The following PCDHGA1 variants were observed in gnomAD, a reference collection of about 807,000 sequenced individuals.
The protein encoded by PCDHGA1 is protocadherin gamma subfamily A, 1.
PCDHGA1 carries 32 observed loss-of-function variants against 58.0 expected under a neutral mutation model. The observed-to-expected ratio is 0.55, with a 90% CI of 0.42 to 0.74. PCDHGA1 has a LOEUF of 0.74. PCDHGA1 is among the 30% of genes least tolerant of loss of function. The pLI, the probability that PCDHGA1 is intolerant of heterozygous loss-of-function variation, is 0.00. For missense variants in PCDHGA1, 1,205 were observed against 1,182.3 expected, an observed-to-expected ratio of 1.02 and a Z score of -0.28; for synonymous variants, 498 against 501.1, an observed-to-expected ratio of 0.99 and a Z score of 0.08.
chr5:141,384,622 A>G (rs1360248889), intron 1 of PCDHGA1: 1 of 1,614,218 alleles, frequency 6.2e-7, no homozygotes, highest in East Asian at 2.2e-5. Context: ...TTCTACTGGC[A>G]TGGAGCTGGC....
Position 141,489,242 on chromosome 5 carries a change from T to C in PCDHGA1, c.2422-5565T>C. ...TCTCCACAAAGGGACTTCTGGGTCA[T>C]GGGGCCCAAGACACTCCCACAGCTC... On this transcript the variant is annotated intron_variant, in intron 1 of 3. Transcript: ENST00000517417. This position sits in a 1 kb window ranked among gnomAD's most constrained non-coding sequence, Gnocchi z 4.5. 6.5e-7 allele frequency: 1 copy of C among 1,534,502 alleles called. No individual in the cohort carries two copies. The highest frequency in any genetic ancestry group is 8.8e-7 in the Non-Finnish European group (1 of 1,141,994).
chr5:141,404,982 G>GGATTA (rs1244941764), intron 1 of PCDHGA1: 10 of 1,613,938 alleles, frequency 6.2e-6, no homozygotes, highest in Non-Finnish European at 8.5e-6. Context: ...GACCTGGGCA[G>GGATTA]TCTTCAGATC....
chr5:141,401,613 G>A (rs906957282), intron 1 of PCDHGA1, among the ~76,000 whole-genome samples: 1 of 152,162 alleles, frequency 6.6e-6, no homozygotes, highest in Admixed American at 6.5e-5. Flanking sequence ...AAAAGACACC[G>A]GATTTGTCTT....
At chr5:141,458,891 G>A (rs775720263) in intron 1 of PCDHGA1, among the ~76,000 whole-genome samples, 10 of 151,976 alleles carry the variant, frequency 6.6e-5, no homozygotes, top group South Asian at 2.1e-4. Context: ...CACACCATGC[G>A]CAGCTAATTT....
rs554119295 is a variant in PCDHGA1 at position 141,482,963 on chromosome 5, C to T, written c.2422-11844C>T. 1.7e-4 allele frequency among the ~76,000 whole-genome samples: 10 copies of T among 57,958 alleles called. No homozygotes were observed. In the South Asian group the frequency reaches 4.5e-3, roughly 26 times the overall value. 38.0% of individuals were successfully genotyped at this position (57,958 alleles called of 152,430 possible). On this transcript the variant is annotated intron_variant, in intron 1 of 3. Coordinates refer to ENST00000517417, the MANE Select transcript of PCDHGA1 (RefSeq NM_018912.3). The stretch of plus-strand genomic sequence containing the variant: ...TTGTGGGTGCCTGTAATTCCAGCTA[C>T]TTGAGCAGCTACTTGAGAGGTCGAG...
rs186028114 is a variant in PCDHGA1, at chr5:141,387,416, T to C, written c.2421+54311T>C. ...ATGTTTGAAGATTGGGGAAAGCTTA[T>C]GTCAATAAATGTTTATGTACTTAAT... On this transcript the variant is annotated intron_variant, in intron 1 of 3. Coordinates refer to ENST00000517417, the MANE Select transcript of PCDHGA1 (RefSeq NM_018912.3). 6.8e-4 allele frequency among the ~76,000 whole-genome samples: 103 copies of C among 152,364 alleles called. 1 individual carries two copies. The highest frequency in any genetic ancestry group is 3.4e-3 in the Middle Eastern group (1 of 294).
chr5:141,366,763 C>T (rs1764787065), intron 1 of PCDHGA1: 3 of 1,604,810 alleles, frequency 1.9e-6, no homozygotes, highest in Non-Finnish European at 2.6e-6. Context: ...TTAGTTTTCT[C>T]TTTCGGTAAG....
chr5:141,492,360 G>A (rs2099739696), intron 1 of PCDHGA1, among the ~76,000 whole-genome samples: 1 of 152,190 alleles, frequency 6.6e-6, no homozygotes, highest in African/African-American at 2.4e-5. Context: ...CCACTCGCTC[G>A]CGGCCAGATT....
chr5:141,382,603 T>C, intron 1 of PCDHGA1: 1 of 269,778 alleles, frequency 3.7e-6, no homozygotes, highest in Non-Finnish European at 6.9e-6. Flanking sequence ...AACAATTTTC[T>C]ATGAAATCAG....
At chr5:141,344,073 G>C in intron 1 of PCDHGA1, 1 of 1,608,996 alleles carries the variant, frequency 6.2e-7, no homozygotes, top group Non-Finnish European at 8.5e-7. Context: ...CAGAGGACTG[G>C]CCCTGCTGTG....
Position 141,417,741 on chromosome 5 carries a change from A to G in PCDHGA1, c.2422-77066A>G, listed in dbSNP as rs1035037382. ...CTGCGCAGACCTTGCCCAGCACACCAGATTGCCAGCTCCGAGACCCGGGAC... is the reference window on the plus strand; with the variant it reads ...CTGCGCAGACCTTGCCCAGCACACCGGATTGCCAGCTCCGAGACCCGGGAC... On this transcript the variant is annotated intron_variant, in intron 1 of 3. Coordinates refer to ENST00000517417, the MANE Select transcript of PCDHGA1 (RefSeq NM_018912.3). The G allele has an allele frequency of 1.7e-5, 24 of 1,413,756 alleles. No individual in the cohort carries two copies. The African/African-American group carries it at 1.7e-4, about 10-fold the overall frequency. The allele number at this position is 1,413,756 out of a possible 1,614,324, so 87.6% of individuals were successfully genotyped here.
chr5:141,366,328 C>T (rs778365263), intron 1 of PCDHGA1: 1 of 1,613,870 alleles, frequency 6.2e-7, no homozygotes, highest in Non-Finnish European at 8.5e-7. Context: ...CCGTGGCCGA[C>T]AGGATCCCTG....
chr5:141,397,004 T>A (rs2150690904), intron 1 of PCDHGA1, among the ~76,000 whole-genome samples: 2 of 152,342 alleles, frequency 1.3e-5, no homozygotes, highest in African/African-American at 4.8e-5. Context: ...ATCTGACAAA[T>A]GGACTAAAGA....
intron 1 of PCDHGA1, among the ~76,000 whole-genome samples, chr5:141,373,021 T>C (rs2150016771): frequency 6.6e-6 from 1 of 152,328 alleles, no homozygotes; most frequent in Non-Finnish European, 1.5e-5. Flanking sequence ...CTTTTGATAG[T>C]CTTGAAACTT....
intron 1 of PCDHGA1, chr5:141,372,728 A>G (rs1769012432): frequency 1.2e-6 from 2 of 1,613,562 alleles, no homozygotes; most frequent in African/African-American, 2.7e-5. Flanking sequence ...CTGCACCACA[A>G]GATCTTCTAT....
chr5:141,389,321 G>T (rs570682726), intron 1 of PCDHGA1: 1 of 1,613,982 alleles, frequency 6.2e-7, no homozygotes. Context: ...ATCCGGACTT[G>T]GGGCCCAACG....
In PCDHGA1 at chr5:141,375,407, G is replaced by A. The variant is rs192651675; in HGVS notation, c.2421+42302G>A. 5.6e-6 allele frequency: 9 copies of A among 1,613,974 alleles called. No individual in the cohort carries two copies. The Admixed American group carries it at 1.5e-4, about 27-fold the overall frequency. ...TACAGAAACAATCATCTCTCTAAAT[G>A]TGGCAGACACCAACGACAACCCGCC... On this transcript the variant is annotated intron_variant, in intron 1 of 3. Transcript: ENST00000517417.
chr5:141,404,718 C>G (rs747745561), intron 1 of PCDHGA1: 1 of 1,614,072 alleles, frequency 6.2e-7, no homozygotes, highest in Admixed American at 1.7e-5. Context: ...TACCTGGTGA[C>G]CAAGGTGGTG....
Position 141,431,151 on chromosome 5 carries a change from C to A in PCDHGA1, c.2422-63656C>A, listed in dbSNP as rs764416448. On this transcript the variant is annotated intron_variant, in intron 1 of 3. Transcript: ENST00000517417. This position sits in a 1 kb window ranked among gnomAD's most constrained non-coding sequence, Gnocchi z 4.8. Reference sequence around the variant, plus strand: ...GTAAGGGACATTAACGACAATGCGCCTTACTTTCGTGAAAGTGAATTAGAA... The same window carrying A: ...GTAAGGGACATTAACGACAATGCGCATTACTTTCGTGAAAGTGAATTAGAA... 7.4e-6 allele frequency: 12 copies of A among 1,614,126 alleles called. No individual in the cohort carries two copies. Among genetic ancestry groups the A allele is most frequent in the Middle Eastern group, 1.6e-4 (1 of 6,084 alleles).
Sources: gnomAD v4.1 joint callset for allele counts (sites outside exome capture counted in the v4.1 genomes callset) on GRCh38, gnomAD v4.1.1 for gene constraint, Gnocchi (gnomAD v3.1) non-coding constraint, MANE v1.5 for transcripts, NCBI Gene and HGNC (gene_info 2026-07-23, HGNC 2026-07-21) for gene names.